Variants in L3MBTL3 observed in about 807,000 individuals in gnomAD.
L3MBTL3 encodes the protein L3MBTL histone methyl-lysine binding protein 3.
Under a neutral mutation model 102.3 loss-of-function variants are expected in L3MBTL3, and 27 were observed. The ratio of observed to expected loss-of-function variants is 0.26; its 90% confidence interval spans 0.19 to 0.36. The LOEUF (loss-of-function observed/expected upper bound fraction) is 0.36, where lower values mean the gene tolerates loss of function less well. L3MBTL3 is among the 10% of genes least tolerant of loss of function. The pLI is 1.00. For missense variants in L3MBTL3, 798 were observed against 955.3 expected (o/e 0.84, Z 2.17); for synonymous variants, 340 against 320.9 (o/e 1.06, Z -0.64).
chr6:130,085,896 G>A (rs547684705), intron 15 of L3MBTL3, among the ~76,000 whole-genome samples: 1 of 152,168 alleles, frequency 6.6e-6, no homozygotes, highest in South Asian at 2.1e-4. Flanking sequence ...GGGATTACAG[G>A]TGCATGCCAC....
intron 20 of L3MBTL3, among the ~76,000 whole-genome samples, chr6:130,122,908 C>T (rs1174456081): frequency 6.6e-6 from 1 of 152,146 alleles, no homozygotes; most frequent in Non-Finnish European, 1.5e-5. Context: ...TTAAATGCAT[C>T]AGTGGCTGGA....
intron 19 of L3MBTL3, among the ~76,000 whole-genome samples, chr6:130,109,681 C>A (rs1785230864): frequency 6.6e-6 from 1 of 152,116 alleles, no homozygotes. Context: ...ATGATAGTTT[C>A]TTTTGCTGTG....
chr6:130,071,097 T>C lies in L3MBTL3; in HGVS notation c.1214T>C (p.Phe405Ser). The part of the protein sequence containing the change: ...DMVDNRFLVH[F>S]DNWDESYDYW... Reference sequence around the variant, plus strand: ...GTGGACAATCGTTTCCTGGTACATTTTGACAACTGGGATGAGAGCTATGAC... The same window carrying C: ...GTGGACAATCGTTTCCTGGTACATTCTGACAACTGGGATGAGAGCTATGAC... Residue 405 changes from phenylalanine to serine, a missense_variant, in exon 13 of 23, where the codon TTT becomes TCT. Phe to Ser is a radical substitution (Grantham distance 155). This residue lies in a region of L3MBTL3 where 434 missense variants were observed against 506.6 expected (regional missense o/e 0.86). Transcript: ENST00000361794. 1.2e-6 allele frequency: 2 copies of C among 1,613,314 alleles called. No homozygotes were observed. The highest frequency in any genetic ancestry group is 1.7e-6 in the Non-Finnish European group (2 of 1,179,520).
At chr6:130,062,634 G>T (rs1781970908) in intron 10 of L3MBTL3, among the ~76,000 whole-genome samples, 1 of 147,848 alleles carries the variant, frequency 6.8e-6, no homozygotes, top group South Asian at 2.1e-4. Context: ...GGCTCAAGCA[G>T]TCCTCCCATC....
chr6:130,121,631 A>G (rs1786214755), intron 20 of L3MBTL3, among the ~76,000 whole-genome samples: 3 of 152,272 alleles, frequency 2.0e-5, no homozygotes, highest in African/African-American at 7.2e-5. Flanking sequence ...AGTATTGTTG[A>G]TATCATTTGC....
rs1353932211 is a variant in L3MBTL3 at position 130,051,272 on chromosome 6, C to A, written c.313C>A (p.Pro105Thr). Residue 105 changes from proline (P) to threonine (T), a missense_variant, in exon 6 of 23, where the codon CCT (proline) becomes ACT (threonine). Pro to Thr is a conservative substitution (Grantham distance 38). Transcript: ENST00000361794. ...PTVFSEKTGM[P>T]FRLKDPVKVE... is the part of the protein sequence containing the mutation. ...AGTCTTTTCAGAGAAGACTGGGATGCCTTTCAGGTTGAAGGATCCAGTGAA... is the reference window on the plus strand; with the variant it reads ...AGTCTTTTCAGAGAAGACTGGGATGACTTTCAGGTTGAAGGATCCAGTGAA... 6.2e-7 allele frequency: 1 copy of A among 1,613,408 alleles called. No individual in the cohort carries two copies. The highest frequency in any genetic ancestry group is 1.7e-5 in the Admixed American group (1 of 59,976).
intron 7 of L3MBTL3, among the ~76,000 whole-genome samples, chr6:130,053,819 C>T (rs1457650377): frequency 1.3e-5 from 2 of 152,084 alleles, no homozygotes; most frequent in Non-Finnish European, 2.9e-5. Flanking sequence ...CCGTTGAGAT[C>T]GGTATTGTAC....
chr6:130,126,222 ATTG>A (rs1786599186), intron 20 of L3MBTL3, among the ~76,000 whole-genome samples: 1 of 152,052 alleles, frequency 6.6e-6, no homozygotes, highest in Non-Finnish European at 1.5e-5. Context: ...TCAAATTTAA[ATTG>A]TTGTATTCCT....
intron 2 of L3MBTL3, among the ~76,000 whole-genome samples, chr6:130,030,181 C>T (rs371832820): frequency 3.1e-4 from 46 of 148,986 alleles, no homozygotes; most frequent in African/African-American, 1.1e-3. Flanking sequence ...TTTAGAATAA[C>T]TGTAACTTTT....
chr6:130,118,507 C>T (rs996967439), intron 19 of L3MBTL3, among the ~76,000 whole-genome samples: 1 of 152,158 alleles, frequency 6.6e-6, no homozygotes, highest in Non-Finnish European at 1.5e-5. Context: ...AGATTGACCC[C>T]GTCTTCCACC....
intron 2 of L3MBTL3, among the ~76,000 whole-genome samples, chr6:130,037,337 A>G (rs1052191007): frequency 6.6e-6 from 1 of 152,176 alleles, no homozygotes; most frequent in Non-Finnish European, 1.5e-5. Flanking sequence ...ACCAGAAAAA[A>G]CAGTAAAACT....
intron 14 of L3MBTL3, among the ~76,000 whole-genome samples, chr6:130,082,293 C>T (rs138287982): frequency 6.6e-6 from 1 of 152,272 alleles, no homozygotes; most frequent in East Asian, 1.9e-4. Context: ...GTTGACATTC[C>T]TGGCATGAAT....
At chr6:130,095,389 T>G (rs1248744838) in intron 18 of L3MBTL3, among the ~76,000 whole-genome samples, 3 of 152,308 alleles carry the variant, frequency 2.0e-5, no homozygotes, top group Admixed American at 6.5e-5. Context: ...CTCCTTAATG[T>G]TCTATGAGGT....
intron 3 of L3MBTL3, among the ~76,000 whole-genome samples, chr6:130,044,886 A>C (rs972117516): frequency 3.9e-5 from 6 of 152,214 alleles, no homozygotes; most frequent in African/African-American, 1.2e-4. Flanking sequence ...TGAATCATGA[A>C]ATTTTCTCTC....
rs1474215267 is a variant in L3MBTL3 at position 130,140,763 on chromosome 6, C to G, written c.*1010C>G. The G allele has an allele frequency of 1.3e-5, 2 of 152,102 alleles. No individual in the cohort carries two copies. The allele number at this position is 152,102 out of a possible 1,614,324, so 9.4% of individuals were successfully genotyped here. ...CAGGTCATGCATTGTCCTCCAAACC[C>G]AAAGGTTTTTTTCAGGGTTGGCTAG... On this transcript the variant is annotated 3_prime_UTR_variant, in exon 23 of 23. Coordinates refer to ENST00000361794, the MANE Select transcript of L3MBTL3 (RefSeq NM_032438.4).
At chr6:130,066,727 C>T (rs1462202354) in intron 11 of L3MBTL3, among the ~76,000 whole-genome samples, 1 of 152,088 alleles carries the variant, frequency 6.6e-6, no homozygotes, top group East Asian at 1.9e-4. Flanking sequence ...GCATGATACT[C>T]AACTTTGACT....
rs746516919 is a variant in L3MBTL3, at chr6:130,120,866, C to G, written c.1887-13C>G. 1.3e-6 allele frequency: 2 copies of G among 1,596,560 alleles called. No individual in the cohort carries two copies. The highest frequency in any genetic ancestry group is 1.7e-4 in the Middle Eastern group (1 of 6,034). ...TTTCTCTTATAAAATATTGAAATGCCTGTTTTTCTTAGAGACCAGCATGCT... is the reference window on the plus strand; with the variant it reads ...TTTCTCTTATAAAATATTGAAATGCGTGTTTTTCTTAGAGACCAGCATGCT... On this transcript the variant is annotated splice_polypyrimidine_tract_variant and intron_variant, in intron 19 of 22. Coordinates refer to ENST00000361794, the MANE Select transcript of L3MBTL3 (RefSeq NM_032438.4).
intron 19 of L3MBTL3, among the ~76,000 whole-genome samples, chr6:130,104,931 T>C (rs528636346): frequency 3.3e-5 from 5 of 152,326 alleles, no homozygotes; most frequent in Admixed American, 6.5e-5. Context: ...ATCAGTAAAG[T>C]AGTGGACTGG....
intron 2 of L3MBTL3, among the ~76,000 whole-genome samples, chr6:130,022,733 T>C (rs908502413): frequency 6.6e-6 from 1 of 152,198 alleles, no homozygotes; most frequent in African/African-American, 2.4e-5. Flanking sequence ...GAAATTTACA[T>C]TGGGTGCTTT....
Sources: gnomAD v4.1 joint callset for allele counts (sites outside exome capture counted in the v4.1 genomes callset) on GRCh38, gnomAD v4.1.1 for gene constraint, gnomAD v4.1.1 regional missense constraint, MANE v1.5 for transcripts, NCBI Gene and HGNC (gene_info 2026-07-23, HGNC 2026-07-21) for gene names.